The following CDK14 variants were observed in gnomAD, a reference collection of about 807,000 sequenced individuals.
CDK14 encodes cyclin dependent kinase 14, also known as cyclin-dependent kinase 14.
CDK14 carries 34 observed loss-of-function variants against 60.7 expected under a neutral mutation model. The ratio of observed to expected loss-of-function variants is 0.56; its 90% CI spans 0.43 to 0.75. The LOEUF (loss-of-function observed/expected upper bound fraction) is 0.75, where lower values mean the gene tolerates loss of function less well. CDK14 is among the 30% of genes least tolerant of loss of function. CDK14 has a pLI of 0.00. For missense variants in CDK14, 482 were observed against 564.1 expected (o/e 0.85, Z 1.47); for synonymous variants, 197 against 203.7 (o/e 0.97, Z 0.28).
At chr7:90,998,013 T>A (rs1795734845) in intron 10 of CDK14, among the ~76,000 whole-genome samples, 1 of 152,244 alleles carries the variant, frequency 6.6e-6, no homozygotes, top group South Asian at 2.1e-4. Context: ...AATTCCTTAT[T>A]AATTTTCTAC....
At position 91,186,241 on chromosome 7, in the gene CDK14, CCCTCTCCTCTCCTCCCCTCCCCTCT is replaced by C. The variant is rs1802185745; in HGVS notation, c.*29-20914_*29-20890del. Among the ~76,000 whole-genome samples the C allele has an allele frequency of 1.6e-3, 17 of 10,612 alleles. 1 individual carries two copies. Among genetic ancestry groups the C allele is most frequent in the South Asian group, 8.2e-3 (1 of 122 alleles). 7.0% of individuals were successfully genotyped at this position (10,612 alleles called of 152,430 possible). A position where few individuals can be genotyped will look rare whatever the true frequency, so the allele number is the denominator to read the frequency against. On this transcript the variant is annotated intron_variant, in intron 14 of 14. Coordinates refer to ENST00000380050, the MANE Select transcript of CDK14 (RefSeq NM_001287135.2). ...CCCTCCCCTCTCCTCTCCTCCCCTC[CCCTCTCCTCTCCTCCCCTCCCCTCT>C]CCTCTCCTCCCCTCCCCTCTCCTCT...
chr7:90,641,578 T>C (rs1800334185), intron 2 of CDK14, among the ~76,000 whole-genome samples: 1 of 151,818 alleles, frequency 6.6e-6, no homozygotes, highest in Non-Finnish European at 1.5e-5. Flanking sequence ...TAGGTAAATC[T>C]ATAGAGACAG....
intron 4 of CDK14, among the ~76,000 whole-genome samples, chr7:90,756,420 A>G (rs1022236135): frequency 2.0e-5 from 3 of 152,342 alleles, no homozygotes; most frequent in Admixed American, 1.3e-4. Context: ...AAAAGTACCT[A>G]TAATCTTTGA....
chr7:90,599,329 G>A (rs1222128850), intron 1 of CDK14, among the ~76,000 whole-genome samples: 1 of 152,216 alleles, frequency 6.6e-6, no homozygotes, highest in African/African-American at 2.4e-5. Context: ...TAGATAGAAA[G>A]CAAGAGAAGA....
At chr7:90,811,490 G>C (rs1170369182) in intron 5 of CDK14, among the ~76,000 whole-genome samples, 1 of 152,148 alleles carries the variant, frequency 6.6e-6, no homozygotes, top group Non-Finnish European at 1.5e-5. Context: ...AGACTTAAAC[G>C]TTAGACCTCA....
intron 14 of CDK14, among the ~76,000 whole-genome samples, chr7:91,128,343 A>G (rs1182007292): frequency 1.3e-5 from 2 of 152,188 alleles, no homozygotes; most frequent in African/African-American, 4.8e-5. Flanking sequence ...GCTACTGTAT[A>G]TAGCTTTCAA....
chr7:90,746,077 T>A (rs1180266092), intron 3 of CDK14, among the ~76,000 whole-genome samples: 1 of 152,202 alleles, frequency 6.6e-6, no homozygotes, highest in Non-Finnish European at 1.5e-5. Flanking sequence ...GTTTATGTGT[T>A]GATTAGTCTC....
chr7:91,000,917 C>A (rs1795817728), intron 10 of CDK14, among the ~76,000 whole-genome samples: 1 of 152,138 alleles, frequency 6.6e-6, no homozygotes, highest in African/African-American at 2.4e-5. Context: ...ATGGTCTTCG[C>A]TGGAATAAAA....
chr7:91,015,567 G>C (rs1417898056), intron 10 of CDK14, among the ~76,000 whole-genome samples: 1 of 103,406 alleles, frequency 9.7e-6, no homozygotes, highest in African/African-American at 3.7e-5. Context: ...TCGCTTTGTT[G>C]CCCAGGCTGG....
rs1433242565 is a variant in CDK14, at chr7:90,818,219, A to G, written c.544+27567A>G. On this transcript the variant is annotated intron_variant, in intron 5 of 14. Transcript: ENST00000380050. ...GAAAACAATCAAAACTTGTCTGGCA[A>G]TGATTCACACATAACCAATTAAGTC... Among the ~76,000 whole-genome samples, 3 of 152,352 alleles carry G rather than the reference A, an allele frequency of 2.0e-5. No individual in the cohort carries two copies. The East Asian group carries it at 5.8e-4, about 29-fold the overall frequency.
chr7:90,856,105 A>G (rs1338646445), intron 5 of CDK14, among the ~76,000 whole-genome samples: 3 of 152,176 alleles, frequency 2.0e-5, no homozygotes, highest in Non-Finnish European at 1.5e-5. Context: ...AACAACTTAC[A>G]TGATATTTTA....
At chr7:90,988,600 ATAT>A (rs1406138055) in intron 10 of CDK14, among the ~76,000 whole-genome samples, 4 of 152,184 alleles carry the variant, frequency 2.6e-5, no homozygotes, top group Non-Finnish European at 5.9e-5. Context: ...TATTCTAAAC[ATAT>A]TATTCTGAAT....
intron 4 of CDK14, among the ~76,000 whole-genome samples, chr7:90,784,834 A>C (rs1805504231): frequency 6.6e-6 from 1 of 152,226 alleles, no homozygotes; most frequent in Non-Finnish European, 1.5e-5. Flanking sequence ...GTTAAGTTTA[A>C]TTTTTGAAAT....
chr7:90,915,364 G>A (rs774829144), intron 7 of CDK14, among the ~76,000 whole-genome samples: 7 of 152,276 alleles, frequency 4.6e-5, no homozygotes, highest in East Asian at 1.9e-4. Flanking sequence ...GCATGAACCC[G>A]GGAGGCAGAG....
intron 14 of CDK14, among the ~76,000 whole-genome samples, chr7:91,128,816 G>T (rs748963574): frequency 6.6e-6 from 1 of 151,954 alleles, no homozygotes; most frequent in South Asian, 2.1e-4. Flanking sequence ...TTTCAATTCC[G>T]CATTGCAGAG....
intron 1 of CDK14, 87 bp from the exon 2 acceptor site, chr7:90,604,131 C>A: frequency 1.2e-6 from 1 of 834,270 alleles, no homozygotes; most frequent in Middle Eastern, 2.3e-4. Context: ...AAACACCATA[C>A]TGCCTTGTTT....
intron 5 of CDK14, among the ~76,000 whole-genome samples, chr7:90,815,053 G>A (rs568154506): frequency 1.3e-5 from 2 of 151,952 alleles, no homozygotes; most frequent in South Asian, 4.2e-4. Context: ...GTTCATTTTT[G>A]TTGTTGTTGT....
intron 14 of CDK14, among the ~76,000 whole-genome samples, chr7:91,195,439 A>G (rs1802505128): frequency 1.3e-5 from 2 of 152,188 alleles, no homozygotes; most frequent in African/African-American, 4.8e-5. Flanking sequence ...TGAACAAACT[A>G]TTTATAAAGT....
In CDK14 at chr7:91,022,738, CT is replaced by C. The variant is rs1270658318; in HGVS notation, c.1042-23150del. ...CTGTGTATTACATTTTTATTAGCAG[CT>C]TTTTTTTTCATTTGTGTTCAAGATG... On this transcript the variant is annotated intron_variant, in intron 10 of 14. Transcript: ENST00000380050. Among the ~76,000 whole-genome samples the C allele has an allele frequency of 3.3e-5, 5 of 151,186 alleles. No homozygotes were observed. In the East Asian group the frequency reaches 7.8e-4, roughly 23 times the overall value.
Sources: allele counts gnomAD v4.1 joint callset (sites outside exome capture counted in the v4.1 genomes callset), GRCh38; gene constraint gnomAD v4.1.1; transcripts MANE v1.5; gene names NCBI Gene and HGNC (gene_info 2026-07-23, HGNC 2026-07-21).